MLLT1: variants seen among roughly 807,000 people sequenced by gnomAD.
MLLT1 encodes the protein MLLT1 super elongation complex subunit.
MLLT1 carries 11 observed loss-of-function variants against 55.1 expected under a neutral mutation model. The ratio of observed to expected loss-of-function variants is 0.20; its 90% CI spans 0.13 to 0.33. The LOEUF (loss-of-function observed/expected upper bound fraction) is 0.33. MLLT1 is among the 10% of genes least tolerant of loss of function. The pLI is 1.00. For missense variants in MLLT1, 536 were observed against 760.6 expected, an observed-to-expected ratio of 0.70 and a Z score of 3.47; for synonymous variants, 323 against 320.1, an observed-to-expected ratio of 1.01 and a Z score of -0.10.
intron 3 of MLLT1, among the ~76,000 whole-genome samples, chr19:6,237,202 G>A (rs373573358): frequency 2.6e-5 from 4 of 152,328 alleles, no homozygotes; most frequent in African/African-American, 7.2e-5. Context: ...CCCTGTGGCC[G>A]GCGGGCCATG....
intron 4 of MLLT1, among the ~76,000 whole-genome samples, chr19:6,228,924 C>T (rs10414187): frequency 0.52 from 79,397 of 152,078 alleles, 24,525 homozygotes; most frequent in Non-Finnish European, 0.67. Flanking sequence ...GTGGAGCCAG[C>T]GCTCCCTCCT....
Position 6,227,579 on chromosome 19 carries a change from G to A in MLLT1, c.421-477C>T, listed in dbSNP as rs566405060. 1.5e-3 allele frequency among the ~76,000 whole-genome samples: 222 copies of A among 152,342 alleles called. No homozygotes were observed. The highest frequency in any genetic ancestry group is 5.1e-3 in the African/African-American group (213 of 41,572). ...GTCCCACGTGCCCGGAGAATGAGCC[G>A]TCCTTGGTGTGCGGTGACTGCAGCG... On this transcript the variant is annotated intron_variant, in intron 4 of 11. Transcript: ENST00000252674. The surrounding 1 kb of genome is among the most constrained non-coding windows in gnomAD (Gnocchi z 5.1).
In MLLT1 at chr19:6,231,197, A is replaced by T. The variant is rs1305756067; in HGVS notation, c.277-484T>A. 3.9e-5 allele frequency among the ~76,000 whole-genome samples: 6 copies of T among 152,228 alleles called. No individual in the cohort carries two copies. The highest frequency in any genetic ancestry group is 2.9e-5 in the Non-Finnish European group (2 of 68,038). ...CGACAGCACAGCACCCAGAGGGGGC[A>T]AAAGTACAAGGTCACGACCCAGTTT... On this transcript the variant is annotated intron_variant, in intron 3 of 11. Coordinates refer to ENST00000252674, the MANE Select transcript of MLLT1 (RefSeq NM_005934.4). This position sits in a 1 kb window ranked among gnomAD's most constrained non-coding sequence, Gnocchi z 5.1.
intron 3 of MLLT1, among the ~76,000 whole-genome samples, chr19:6,236,236 G>A (rs1031684730): frequency 6.6e-6 from 1 of 152,180 alleles, no homozygotes; most frequent in Non-Finnish European, 1.5e-5. Context: ...CAACTGTACC[G>A]TGTCACAGTG....
rs899299517 is a variant in MLLT1, at chr19:6,256,632, T to C, written c.276+5596A>G. ...AGCCAGGCGTGGTGGCGGGCACCTGTAGTCCCAGCTACTCGGGAGGCTGAG... is the reference window on the plus strand; with the variant it reads ...AGCCAGGCGTGGTGGCGGGCACCTGCAGTCCCAGCTACTCGGGAGGCTGAG... On this transcript the variant is annotated intron_variant, in intron 3 of 11. Coordinates refer to ENST00000252674, the MANE Select transcript of MLLT1 (RefSeq NM_005934.4). The surrounding 1 kb of genome is among the most constrained non-coding windows in gnomAD (Gnocchi z 4.1). Among the ~76,000 whole-genome samples, 8 of 151,926 alleles carry C rather than the reference T, an allele frequency of 5.3e-5. No individual in the cohort carries two copies. The highest frequency in any genetic ancestry group is 1.0e-4 in the Non-Finnish European group (7 of 67,990).
chr19:6,261,827 G>A (rs1203343993), intron 3 of MLLT1, among the ~76,000 whole-genome samples: 2 of 152,132 alleles, frequency 1.3e-5, no homozygotes, highest in African/African-American at 4.8e-5. Flanking sequence ...CCCAGAAGAC[G>A]CATCGTAATC....
rs981058203 is a variant in MLLT1, at chr19:6,212,711, G to A, written c.*331C>T. 2.6e-5 allele frequency: 29 copies of A among 1,134,690 alleles called. No homozygotes were observed. Among genetic ancestry groups the A allele is most frequent in the Middle Eastern group, 3.6e-4 (1 of 2,746 alleles). 70.3% of individuals were successfully genotyped at this position (1,134,690 alleles called of 1,614,324 possible). On this transcript the variant is annotated 3_prime_UTR_variant, in exon 12 of 12. Transcript: ENST00000252674. ...GGGCAGCGACGCCGCACAGCCCGCCGAGCAGTGGGGGCTGGTCCCAAGGCT... is the reference window on the plus strand; with the variant it reads ...GGGCAGCGACGCCGCACAGCCCGCCAAGCAGTGGGGGCTGGTCCCAAGGCT...
chr19:6,270,849 C>A lies in MLLT1; in HGVS notation c.13-90G>T. On this transcript the variant is annotated intron_variant, in intron 1 of 11. Coordinates refer to ENST00000252674, the MANE Select transcript of MLLT1 (RefSeq NM_005934.4). This position sits in a 1 kb window ranked among gnomAD's most constrained non-coding sequence, Gnocchi z 7.1. ...ACCCACAGAGAACTTTCGATAAAGA[C>A]CCCCAGCAGTGCAATACGCTCTCAA... 1.6e-6 allele frequency: 2 copies of A among 1,272,798 alleles called. No homozygotes were observed. Among genetic ancestry groups the A allele is most frequent in the South Asian group, 2.9e-5 (2 of 69,698 alleles). The allele number at this position is 1,272,798 out of a possible 1,614,324, so 78.8% of individuals were successfully genotyped here.
At chr19:6,237,835 C>CT (rs1272499869) in intron 3 of MLLT1, among the ~76,000 whole-genome samples, 5 of 151,378 alleles carry the variant, frequency 3.3e-5, no homozygotes, top group African/African-American at 9.7e-5. Context: ...GGCACAATGG[C>CT]TCATGCCTGC....
At chr19:6,225,649 A>T (rs938780701) in intron 5 of MLLT1, among the ~76,000 whole-genome samples, 1 of 152,056 alleles carries the variant, frequency 6.6e-6, no homozygotes, top group East Asian at 1.9e-4. Context: ...AGGGACGGAG[A>T]GGGTGGAGCC....
At chr19:6,215,032 G>A (rs752880427) in intron 8 of MLLT1, among the ~76,000 whole-genome samples, 2 of 152,184 alleles carry the variant, frequency 1.3e-5, no homozygotes, top group Admixed American at 6.5e-5. Flanking sequence ...CCCTGCCTGT[G>A]CTCCTGCCGG....
Position 6,226,381 on chromosome 19 carries a change from T to C in MLLT1, c.546+596A>G, listed in dbSNP as rs955654035. Among the ~76,000 whole-genome samples the C allele has an allele frequency of 6.6e-6, 1 of 152,120 alleles. No individual in the cohort carries two copies. The highest frequency in any genetic ancestry group is 6.5e-5 in the Admixed American group (1 of 15,268). On this transcript the variant is annotated intron_variant, in intron 5 of 11. Transcript: ENST00000252674. This position sits in a 1 kb window ranked among gnomAD's most constrained non-coding sequence, Gnocchi z 6.3. ...TGTCTTCTGAATTGCTGCTCAGGGA[T>C]GGTTTAGAGAGAGAAGCCTCAGAAA...
chr19:6,230,641 G>A lies in MLLT1; in HGVS notation c.349C>T (p.Leu117=), dbSNP rs1374637561. ...NLEGNPPVNH[L]RCEKLTFNNP... ...TTGAAGGTGAGCTTCTCGCAGCGCA[G>A]GTGGTTCACGGGCGGGTTGCCTTCC... is the stretch of plus-strand genomic sequence containing the variant. The change falls in exon 4 of 12, where the codon CTG becomes TTG. Residue 117 remains leucine, a synonymous_variant. Coordinates refer to ENST00000252674, the MANE Select transcript of MLLT1 (RefSeq NM_005934.4). The surrounding 1 kb of genome is among the most constrained non-coding windows in gnomAD (Gnocchi z 9.0). 1.2e-6 allele frequency: 2 copies of A among 1,613,998 alleles called. No individual in the cohort carries two copies. Among genetic ancestry groups the A allele is most frequent in the Admixed American group, 3.3e-5 (2 of 60,016 alleles).
chr19:6,272,811 T>C (rs532219908), intron 1 of MLLT1, among the ~76,000 whole-genome samples: 1 of 152,242 alleles, frequency 6.6e-6, no homozygotes, highest in East Asian at 1.9e-4. Flanking sequence ...AGTTCCAGCA[T>C]GTGGAAGAAC....
At chr19:6,276,668 C>G (rs911236872) in intron 1 of MLLT1, among the ~76,000 whole-genome samples, 1 of 152,108 alleles carries the variant, frequency 6.6e-6, no homozygotes, top group Admixed American at 6.5e-5. Flanking sequence ...CCCCTCCCCC[C>G]GGCCCCAGCC....
rs1280509833 is a variant in MLLT1, at chr19:6,226,786, C to T, written c.546+191G>A. On this transcript the variant is annotated intron_variant, in intron 5 of 11. Transcript: ENST00000252674. The surrounding 1 kb of genome is among the most constrained non-coding windows in gnomAD (Gnocchi z 6.3). ...GAACAGGGCAAAGAGCCCATGATCA[C>T]GGGCTTATTCCTGAAATCCTAGGGA... 2.6e-5 allele frequency among the ~76,000 whole-genome samples: 4 copies of T among 152,242 alleles called. No individual in the cohort carries two copies. The highest frequency in any genetic ancestry group is 4.1e-4 in the South Asian group (2 of 4,824).
chr19:6,266,808 A>G (rs2091352632), intron 2 of MLLT1, among the ~76,000 whole-genome samples: 1 of 152,220 alleles, frequency 6.6e-6, no homozygotes, highest in South Asian at 2.1e-4. Context: ...CTGCTCTACC[A>G]AAACAAGAAA....
chr19:6,211,772 G>A lies in MLLT1; in HGVS notation c.*1270C>T, dbSNP rs953684276. ...CCCCCAGCCACGATGGGCTGGCTCCGCGGGAGCGTCCTGGCCCTGGAAGAG... is the reference window on the plus strand; with the variant it reads ...CCCCCAGCCACGATGGGCTGGCTCCACGGGAGCGTCCTGGCCCTGGAAGAG... On this transcript the variant is annotated 3_prime_UTR_variant, in exon 12 of 12. Transcript: ENST00000252674. This position sits in a 1 kb window ranked among gnomAD's most constrained non-coding sequence, Gnocchi z 4.6. 3.0e-5 allele frequency: 32 copies of A among 1,063,874 alleles called. No homozygotes were observed. Among genetic ancestry groups the A allele is most frequent in the African/African-American group, 1.1e-4 (7 of 60,972 alleles). The allele number at this position is 1,063,874 out of a possible 1,614,324, so 65.9% of individuals were successfully genotyped here.
chr19:6,232,388 C>CG (rs778440173), intron 3 of MLLT1, among the ~76,000 whole-genome samples: 20 of 152,164 alleles, frequency 1.3e-4, no homozygotes, highest in Non-Finnish European at 2.2e-4. Flanking sequence ...GATACCCACC[C>CG]GGGGGAGAAT....
Sources: gnomAD v4.1 joint callset for allele counts (sites outside exome capture counted in the v4.1 genomes callset) on GRCh38, gnomAD v4.1.1 for gene constraint, Gnocchi (gnomAD v3.1) non-coding constraint, MANE v1.5 for transcripts, NCBI Gene and HGNC (gene_info 2026-07-23, HGNC 2026-07-21) for gene names.